The following ANK2 variants were observed in gnomAD, a reference collection of about 807,000 sequenced individuals.
The protein encoded by ANK2 is ankyrin-2.
In ANK2, 83 loss-of-function variants were observed where a neutral mutation model predicts 360.5. The observed-to-expected ratio is 0.23, with a 90% CI of 0.19 to 0.28. The LOEUF is 0.28. Ranked by LOEUF, ANK2 falls within the 10% of genes least tolerant of loss-of-function variation. ANK2 has a pLI of 1.00. For missense variants in ANK2, 4,201 were observed against 4,795.7 expected, an observed-to-expected ratio of 0.88 and a Z score of 3.66; for synonymous variants, 1,740 against 1,759.5, an observed-to-expected ratio of 0.99 and a Z score of 0.28.
the ANK2 span, among the ~76,000 whole-genome samples, chr4:112,755,493 T>C: frequency 2.0e-5 from 3 of 152,186 alleles, no homozygotes; most frequent in Admixed American, 2.0e-4. Flanking sequence ...GGTTTTGGGA[T>C]AGGCGGTAGA....
the ANK2 span, among the ~76,000 whole-genome samples, chr4:112,756,145 G>A: frequency 2.0e-5 from 3 of 151,690 alleles, no homozygotes; most frequent in Non-Finnish European, 2.9e-5. Context: ...AGCTGAGGCA[G>A]GAGAATGGTG....
At chr4:112,835,033 G>A (rs1220823065) in intron 1 of ANK2, among the ~76,000 whole-genome samples, 3 of 152,082 alleles carry the variant, frequency 2.0e-5, no homozygotes, top group African/African-American at 7.2e-5. Context: ...TCTTCCTGCT[G>A]TATCATCTCA....
At chr4:113,247,234 A>G (rs925196141) in intron 9 of ANK2, among the ~76,000 whole-genome samples, 1 of 152,078 alleles carries the variant, frequency 6.6e-6, no homozygotes, top group Non-Finnish European at 1.5e-5. Context: ...ACCTGCAACT[A>G]CAAACTTAAG....
chr4:112,946,498 AC>A (rs966573316), intron 2 of ANK2, among the ~76,000 whole-genome samples: 2 of 152,184 alleles, frequency 1.3e-5, no homozygotes, highest in African/African-American at 4.8e-5. Flanking sequence ...AAATCAAATC[AC>A]CAAACAAGGA....
At chr4:113,033,505 T>C (rs999233619) in intron 2 of ANK2, among the ~76,000 whole-genome samples, 4 of 151,956 alleles carry the variant, frequency 2.6e-5, no homozygotes, top group African/African-American at 7.2e-5. Flanking sequence ...ACACATCAAA[T>C]GATAAGTTAG....
At chr4:113,312,354 T>C (rs2080505539) in intron 24 of ANK2, among the ~76,000 whole-genome samples, 1 of 152,150 alleles carries the variant, frequency 6.6e-6, no homozygotes, top group Non-Finnish European at 1.5e-5. Context: ...AATCTCAGGT[T>C]TATAGTTTTA....
chr4:112,764,234 C>T, the ANK2 span, among the ~76,000 whole-genome samples: 4 of 152,116 alleles, frequency 2.6e-5, no homozygotes, highest in African/African-American at 4.8e-5. Context: ...TGAGCCACTG[C>T]GCCCGGCCCC....
At chr4:113,275,242 A>G (rs879479824) in intron 15 of ANK2, among the ~76,000 whole-genome samples, 2 of 152,364 alleles carry the variant, frequency 1.3e-5, no homozygotes, top group Middle Eastern at 3.4e-3. Flanking sequence ...GACATCGAGC[A>G]AAGAATTTTA....
At chr4:113,261,361 A>C (rs2052808309) in intron 13 of ANK2, among the ~76,000 whole-genome samples, 1 of 152,200 alleles carries the variant, frequency 6.6e-6, no homozygotes, top group Non-Finnish European at 1.5e-5. Flanking sequence ...GGTCTTACAA[A>C]GTTTTATCTT....
intron 2 of ANK2, among the ~76,000 whole-genome samples, chr4:112,919,488 A>T (rs1372348168): frequency 6.6e-6 from 1 of 152,130 alleles, no homozygotes; most frequent in Non-Finnish European, 1.5e-5. Flanking sequence ...GGCCAATTTA[A>T]TATAATTAAT....
intron 14 of ANK2, among the ~76,000 whole-genome samples, chr4:113,273,934 A>G (rs1170893993): frequency 6.6e-6 from 1 of 152,158 alleles, no homozygotes; most frequent in Non-Finnish European, 1.5e-5. Context: ...CCAGATTACA[A>G]TATCTTCTTT....
intron 7 of ANK2, among the ~76,000 whole-genome samples, chr4:113,238,480 C>A (rs362508): frequency 0.032 from 4,862 of 152,144 alleles, 126 homozygotes; most frequent in Non-Finnish European, 0.05. Context: ...TTCTTTTGTT[C>A]CCTATCGTTG....
At chr4:112,813,263 A>T (rs377627123), upstream of ANK2, among the ~76,000 whole-genome samples, 121 of 151,868 alleles carry the variant, frequency 8.0e-4, 1 homozygote, top group East Asian at 8.5e-3. Context: ...TCAAAAAAAA[A>T]ATCTGGTCAT....
chr4:113,333,321 TG>T, intron 29 of ANK2, 113 bp downstream of exon 29: 1 of 1,344,312 alleles, frequency 7.4e-7, no homozygotes, highest in Non-Finnish European at 1.0e-6. Flanking sequence ...TGTGTGTGTG[TG>T]TGTGTGTGTC....
chr4:113,357,282 G>C lies in ANK2; in HGVS notation c.8664G>C (p.Lys2888Asn). The C allele has an allele frequency of 1.2e-6, 2 of 1,613,990 alleles. No individual in the cohort carries two copies. The highest frequency in any genetic ancestry group is 1.1e-5 in the South Asian group (1 of 91,078). ...KTDETFENLP[K>N]DCPSQDSSIT... is the part of the protein sequence containing the mutation. The stretch of plus-strand genomic sequence containing the variant: ...ATGAAACATTTGAGAACTTACCAAA[G>C]GACTGCCCCTCTCAAGACTCATCCA... The change falls in exon 38 of 46, where the codon AAG becomes AAC. Residue 2888 changes from lysine to asparagine, a missense_variant. Transcript: ENST00000357077.
intron 10 of ANK2, among the ~76,000 whole-genome samples, chr4:113,253,349 T>C (rs755914505): frequency 2.0e-5 from 3 of 152,184 alleles, no homozygotes; most frequent in Admixed American, 2.0e-4. Flanking sequence ...GGCACTCACT[T>C]ACTATGAAAT....
chr4:112,814,081 A>C (rs1317187750), upstream of ANK2, among the ~76,000 whole-genome samples: 1 of 152,258 alleles, frequency 6.6e-6, no homozygotes, highest in African/African-American at 2.4e-5. Context: ...GAGGCAAGAA[A>C]GGAGAAATTC....
intron 23 of ANK2, among the ~76,000 whole-genome samples, chr4:113,307,487 C>T (rs928466715): frequency 6.9e-6 from 1 of 144,786 alleles, no homozygotes; most frequent in Non-Finnish European, 1.5e-5. Flanking sequence ...GTGATCTTAG[C>T]TCACTGCAAC....
chr4:113,158,479 A>G (rs2097384441), intron 1 of ANK2, among the ~76,000 whole-genome samples: 1 of 152,120 alleles, frequency 6.6e-6, no homozygotes, highest in Non-Finnish European at 1.5e-5. Context: ...AATTACTAAT[A>G]TATCCTATGA....
Sources: allele counts gnomAD v4.1 joint callset (sites outside exome capture counted in the v4.1 genomes callset), GRCh38; gene constraint gnomAD v4.1.1; transcripts MANE v1.5; gene names NCBI Gene and HGNC (gene_info 2026-07-23, HGNC 2026-07-21).